The following ITGA9 variants were observed in gnomAD, a reference collection of about 807,000 sequenced individuals.
The protein encoded by ITGA9 is integrin subunit alpha 9.
In ITGA9, 56 loss-of-function variants were observed where a neutral mutation model predicts 127.8. That is an observed-to-expected ratio of 0.44 (90% CI 0.35 to 0.55). The LOEUF is 0.55. ITGA9 is among the 20% of genes least tolerant of loss of function. The pLI is 0.00. For synonymous variants in ITGA9, 508 were observed against 514.5 expected (o/e 0.99, Z 0.17); for missense variants, 1,196 against 1,347.1 (o/e 0.89, Z 1.76).
chr3:37,633,645 G>T (rs955476287), intron 16 of ITGA9, among the ~76,000 whole-genome samples: 1 of 152,204 alleles, frequency 6.6e-6, no homozygotes, highest in Non-Finnish European at 1.5e-5. Context: ...GGCTACTAGT[G>T]TAACAGGGTC....
chr3:37,618,661 G>A (rs1243382505), intron 15 of ITGA9, among the ~76,000 whole-genome samples: 3 of 152,206 alleles, frequency 2.0e-5, no homozygotes, highest in South Asian at 2.1e-4. Flanking sequence ...CTTGGCGATG[G>A]TGGGCGCCCC....
chr3:37,723,312 T>C (rs182983267), intron 18 of ITGA9, among the ~76,000 whole-genome samples: 1 of 146,964 alleles, frequency 6.8e-6, no homozygotes, highest in Non-Finnish European at 1.5e-5. Context: ...ATTTTGATGA[T>C]ATCCAGATTA....
At chr3:37,478,120 C>T (rs368792794) in intron 3 of ITGA9, among the ~76,000 whole-genome samples, 1 of 152,210 alleles carries the variant, frequency 6.6e-6, no homozygotes, top group African/African-American at 2.4e-5. Flanking sequence ...TCCCAATGCC[C>T]CTCCTGGCCA....
intron 5 of ITGA9, among the ~76,000 whole-genome samples, chr3:37,502,213 CTT>C (rs910743416): frequency 3.6e-5 from 4 of 111,820 alleles, no homozygotes; most frequent in Non-Finnish European, 3.7e-5. Flanking sequence ...GTTCTTGAGT[CTT>C]TTTTTTTTTT....
At chr3:37,490,954 T>C (rs1698663731) in intron 4 of ITGA9, among the ~76,000 whole-genome samples, 1 of 144,724 alleles carries the variant, frequency 6.9e-6, no homozygotes. Context: ...CTTTTGGGTC[T>C]CAGATTTGGC....
chr3:37,694,199 C>A (rs774703883), intron 18 of ITGA9, among the ~76,000 whole-genome samples: 5 of 152,244 alleles, frequency 3.3e-5, no homozygotes, highest in Non-Finnish European at 5.9e-5. Context: ...TGGTCTTCCC[C>A]ATCCGCTTAT....
At chr3:37,494,429 T>G in intron 4 of ITGA9, 72 bp from the exon 5 acceptor site, 1 of 1,127,526 alleles carries the variant, frequency 8.9e-7, no homozygotes, top group Non-Finnish European at 1.3e-6. Context: ...TGGCTGGCTC[T>G]GCTGGCTCCA....
Position 37,471,110 on chromosome 3 carries a change from T to G in ITGA9, c.289T>G (p.Cys97Gly), listed in dbSNP as rs1267929655. ...CRVHTNPDRRCTELDMARGKN... is the reference protein window; with the variant it reads ...CRVHTNPDRRGTELDMARGKN... ...TGTTCACACCAACCCTGACCGGAGA[T>G]GCACCGAACTGGACATGGCTCGAGG... Residue 97 changes from cysteine (C) to glycine (G), a missense_variant, in exon 2 of 28, where the codon TGC becomes GGC. By Grantham distance (159) the Cys-to-Gly change is radical. Transcript: ENST00000264741. The G allele has an allele frequency of 3.1e-6, 5 of 1,614,042 alleles. No individual in the cohort carries two copies. Among genetic ancestry groups the G allele is most frequent in the Non-Finnish European group, 4.2e-6 (5 of 1,180,000 alleles).
chr3:37,504,919 A>G (rs1221458224), intron 6 of ITGA9, among the ~76,000 whole-genome samples: 1 of 152,244 alleles, frequency 6.6e-6, no homozygotes, highest in Non-Finnish European at 1.5e-5. Context: ...GGCAGCCTGT[A>G]CAGGATTTAT....
intron 4 of ITGA9, among the ~76,000 whole-genome samples, chr3:37,484,119 A>G (rs1037925954): frequency 1.3e-5 from 2 of 152,190 alleles, no homozygotes; most frequent in Non-Finnish European, 1.5e-5. Flanking sequence ...CCCCTGCCCA[A>G]TCTTCCTTCC....
At position 37,814,340 on chromosome 3, in the gene ITGA9, C is replaced by T. The variant is rs537393553; in HGVS notation, c.3010-4551C>T. Among the ~76,000 whole-genome samples the T allele has an allele frequency of 5.3e-5, 8 of 152,262 alleles. No homozygotes were observed. The East Asian group carries it at 5.8e-4, about 11-fold the overall frequency. On this transcript the variant is annotated intron_variant, in intron 27 of 27. Coordinates refer to ENST00000264741, the MANE Select transcript of ITGA9 (RefSeq NM_002207.3). This position sits in a 1 kb window ranked among gnomAD's most constrained non-coding sequence, Gnocchi z 4.3. ...CAGCACTTTGGGAGGCCAAGGCAGG[C>T]GGATCATCTGAGGTCAGGAGTTCAA...
At chr3:37,750,179 G>A (rs13095480) in intron 22 of ITGA9, among the ~76,000 whole-genome samples, 35,217 of 152,180 alleles carry the variant, frequency 0.23, 4,918 homozygotes, top group Middle Eastern at 0.41. Context: ...AAATTCCTAT[G>A]CATGTAAAAA....
intron 17 of ITGA9, among the ~76,000 whole-genome samples, chr3:37,663,536 G>A (rs1700557542): frequency 6.6e-6 from 1 of 152,178 alleles, no homozygotes; most frequent in South Asian, 2.1e-4. Context: ...GCTGAGGGAT[G>A]AGAGCTCCAT....
chr3:37,729,700 CTTTTTTT>C (rs34875348), intron 18 of ITGA9, among the ~76,000 whole-genome samples: 2 of 84,122 alleles, frequency 2.4e-5, no homozygotes, highest in Non-Finnish European at 4.6e-5. Flanking sequence ...TTTTTGATTT[CTTTTTTT>C]TTTTTTTTTT....
Position 37,741,827 on chromosome 3 carries a change from G to A in ITGA9, c.2324+8G>A, listed in dbSNP as rs1024758582. Reference sequence around the variant, plus strand: ...GGACACGTCCATCACCGGGTGAGTAGCCTGGTCCTGGGTTGCCACAACACA... The same window carrying A: ...GGACACGTCCATCACCGGGTGAGTAACCTGGTCCTGGGTTGCCACAACACA... On this transcript the variant is annotated splice_region_variant and intron_variant, in intron 21 of 27. Transcript: ENST00000264741. 28 of 1,607,958 alleles carry A rather than the reference G, an allele frequency of 1.7e-5. No individual in the cohort carries two copies. The highest frequency in any genetic ancestry group is 2.1e-5 in the Non-Finnish European group (25 of 1,176,022).
In ITGA9 at chr3:37,590,093, G is replaced by A. The variant is rs539928229; in HGVS notation, c.1690-39094G>A. 2.6e-5 allele frequency among the ~76,000 whole-genome samples: 4 copies of A among 152,280 alleles called. No individual in the cohort carries two copies. The East Asian group carries it at 7.7e-4, about 29-fold the overall frequency. ...CTGCATTACCAGCCAAGGATGTGAT[G>A]CATAGTATTCTGGAGCTCCTTTTTA... is the stretch of plus-strand genomic sequence containing the variant. On this transcript the variant is annotated intron_variant, in intron 15 of 27. Coordinates refer to ENST00000264741, the MANE Select transcript of ITGA9 (RefSeq NM_002207.3).
chr3:37,493,826 C>G (rs1055218548), intron 4 of ITGA9, among the ~76,000 whole-genome samples: 10 of 152,184 alleles, frequency 6.6e-5, no homozygotes, highest in African/African-American at 2.2e-4. Flanking sequence ...GTTTCCTACC[C>G]CTCTTCCTTG....
At chr3:37,716,498 C>A (rs1701137024) in intron 18 of ITGA9, among the ~76,000 whole-genome samples, 1 of 151,274 alleles carries the variant, frequency 6.6e-6, no homozygotes, top group Non-Finnish European at 1.5e-5. Context: ...TCAACAACTT[C>A]TGCAGGCTCA....
intron 3 of ITGA9, among the ~76,000 whole-genome samples, chr3:37,480,094 C>T (rs371292391): frequency 6.6e-5 from 10 of 152,068 alleles, no homozygotes; most frequent in East Asian, 3.9e-4. Flanking sequence ...AGAAGTGGAA[C>T]GGGCTGGGCA....
Sources: allele counts gnomAD v4.1 joint callset (sites outside exome capture counted in the v4.1 genomes callset), GRCh38; gene constraint gnomAD v4.1.1; non-coding constraint Gnocchi (gnomAD v3.1); transcripts MANE v1.5; gene names NCBI Gene and HGNC (gene_info 2026-07-23, HGNC 2026-07-21).